SORCS3: variants seen among roughly 807,000 people sequenced by gnomAD.
SORCS3 encodes sortilin related VPS10 domain containing receptor 3.
Under a neutral mutation model 146.3 loss-of-function variants are expected in SORCS3, and 57 were observed. That is an observed-to-expected ratio of 0.39 (90% CI 0.31 to 0.49). SORCS3 has a LOEUF of 0.49. Among genes scored for constraint, SORCS3 ranks in the 20% least tolerant of loss-of-function variants. The pLI is 0.92. For missense variants in SORCS3, 1,341 were observed against 1,575.5 expected (o/e 0.85, Z 2.52); for synonymous variants, 653 against 618.5 (o/e 1.06, Z -0.83).
At chr10:105,160,272 T>C (rs1224333291) in intron 11 of SORCS3, among the ~76,000 whole-genome samples, 1 of 152,194 alleles carries the variant, frequency 6.6e-6, no homozygotes, top group Non-Finnish European at 1.5e-5. Flanking sequence ...ATTGGCAAAG[T>C]GGGCATAATA....
intron 5 of SORCS3, among the ~76,000 whole-genome samples, chr10:105,071,426 A>G (rs151095788): frequency 2.6e-4 from 39 of 152,328 alleles, no homozygotes; most frequent in African/African-American, 9.4e-4. Context: ...GACTAAGCAT[A>G]TTGGGCAGTG....
chr10:104,816,566 C>T (rs776494638), intron 1 of SORCS3, among the ~76,000 whole-genome samples: 1 of 152,238 alleles, frequency 6.6e-6, no homozygotes, highest in South Asian at 2.1e-4. Context: ...ATCAGAGGTA[C>T]ACCCAAGTGC....
At chr10:104,903,563 A>G (rs1405561782) in intron 2 of SORCS3, among the ~76,000 whole-genome samples, 1 of 152,206 alleles carries the variant, frequency 6.6e-6, no homozygotes, top group African/African-American at 2.4e-5. Flanking sequence ...AGATTTAACA[A>G]TAATAAAAAA....
At chr10:104,860,730 A>G (rs1034818506) in intron 2 of SORCS3, among the ~76,000 whole-genome samples, 2 of 152,346 alleles carry the variant, frequency 1.3e-5, no homozygotes, top group South Asian at 4.1e-4. Context: ...ATAGGTAAAC[A>G]CTGTTATCCC....
intron 5 of SORCS3, among the ~76,000 whole-genome samples, chr10:105,065,415 A>G (rs945532792): frequency 2.0e-5 from 3 of 151,924 alleles, no homozygotes; most frequent in Non-Finnish European, 2.9e-5. Flanking sequence ...CAAAAAAAAA[A>G]TCAGTCTGGG....
At chr10:105,103,595 T>C (rs2055801400) in intron 6 of SORCS3, among the ~76,000 whole-genome samples, 1 of 152,138 alleles carries the variant, frequency 6.6e-6, no homozygotes, top group African/African-American at 2.4e-5. Flanking sequence ...GAAGAAACTC[T>C]GGAAACACTT....
At chr10:104,779,737 C>T (rs1333981850) in intron 1 of SORCS3, among the ~76,000 whole-genome samples, 6 of 152,236 alleles carry the variant, frequency 3.9e-5, no homozygotes, top group Non-Finnish European at 2.9e-5. Context: ...TGCTGATCAA[C>T]ATATTCCCAG....
At chr10:104,899,932 A>G (rs2018833887) in intron 2 of SORCS3, among the ~76,000 whole-genome samples, 2 of 152,076 alleles carry the variant, frequency 1.3e-5, no homozygotes, top group South Asian at 4.2e-4. Context: ...GATATGGGGC[A>G]CAAAAGCCCA....
At chr10:104,656,142 T>C (rs1259618123) in intron 1 of SORCS3, among the ~76,000 whole-genome samples, 4 of 152,012 alleles carry the variant, frequency 2.6e-5, no homozygotes, top group South Asian at 2.1e-4. Flanking sequence ...GAGATGCAGA[T>C]GAGTGGAGAT....
intron 7 of SORCS3, among the ~76,000 whole-genome samples, chr10:105,114,882 T>C (rs10884090): frequency 1.3e-5 from 2 of 151,894 alleles, no homozygotes; most frequent in Non-Finnish European, 1.5e-5. Context: ...CAGTACTACA[T>C]TGAAGTCAAT....
rs539396002 is a variant in SORCS3, at chr10:105,147,031, C to A, written c.1303-586C>A. Among the ~76,000 whole-genome samples the A allele has an allele frequency of 2.0e-5, 3 of 151,928 alleles. No homozygotes were observed. In the South Asian group the frequency reaches 6.2e-4, roughly 32 times the overall value. ...CAACATAATTTCATTGGCAGCAGAA[C>A]CTCCCTTACCTTTTGCTCCTAAAAT... On this transcript the variant is annotated intron_variant, in intron 8 of 26. Coordinates refer to ENST00000369701, the MANE Select transcript of SORCS3 (RefSeq NM_014978.3).
chr10:105,183,049 T>C (rs1257982891), intron 14 of SORCS3, among the ~76,000 whole-genome samples: 1 of 152,150 alleles, frequency 6.6e-6, no homozygotes, highest in African/African-American at 2.4e-5. Flanking sequence ...AAAGATGTGA[T>C]TGAAGACAGA....
chr10:104,934,895 G>A (rs990295748), intron 3 of SORCS3, among the ~76,000 whole-genome samples: 4 of 152,194 alleles, frequency 2.6e-5, no homozygotes, highest in African/African-American at 4.8e-5. Flanking sequence ...TTTAGCAGTG[G>A]TGATTTTAGC....
intron 7 of SORCS3, among the ~76,000 whole-genome samples, chr10:105,123,562 C>T (rs992135771): frequency 2.0e-5 from 3 of 152,050 alleles, no homozygotes; most frequent in African/African-American, 4.8e-5. Context: ...AAGTTATGTT[C>T]CCTGGAGATT....
At chr10:104,702,799 G>T (rs934466356) in intron 1 of SORCS3, among the ~76,000 whole-genome samples, 44 of 152,262 alleles carry the variant, frequency 2.9e-4, no homozygotes, top group African/African-American at 8.9e-4. Flanking sequence ...GCTAGACTGG[G>T]TGACCCTGAG....
chr10:105,047,361 G>A (rs2133707796), intron 5 of SORCS3, among the ~76,000 whole-genome samples: 1 of 152,164 alleles, frequency 6.6e-6, no homozygotes, highest in Non-Finnish European at 1.5e-5. Context: ...AAACACGGAA[G>A]GAATGTCTCC....
At chr10:104,979,458 T>G (rs1377485008) in intron 4 of SORCS3, among the ~76,000 whole-genome samples, 1 of 152,188 alleles carries the variant, frequency 6.6e-6, no homozygotes, top group Non-Finnish European at 1.5e-5. Flanking sequence ...TACATAGAGA[T>G]ATCCACAGAA....
At chr10:104,879,244 C>T (rs1221342471) in intron 2 of SORCS3, among the ~76,000 whole-genome samples, 1 of 152,110 alleles carries the variant, frequency 6.6e-6, no homozygotes, top group Non-Finnish European at 1.5e-5. Flanking sequence ...GTGAAGTAGG[C>T]TGTGTTCCTT....
intron 7 of SORCS3, among the ~76,000 whole-genome samples, chr10:105,123,513 G>T (rs766539744): frequency 3.9e-5 from 6 of 152,076 alleles, no homozygotes; most frequent in Non-Finnish European, 5.9e-5. Context: ...TGGAGATAAT[G>T]CAGTAAAAAA....
Sources: allele counts gnomAD v4.1 joint callset (sites outside exome capture counted in the v4.1 genomes callset), GRCh38; gene constraint gnomAD v4.1.1; transcripts MANE v1.5; gene names NCBI Gene and HGNC (gene_info 2026-07-23, HGNC 2026-07-21).